The following GALNT2 variants were observed in gnomAD, a reference collection of about 807,000 sequenced individuals.
GALNT2 encodes the protein polypeptide N-acetylgalactosaminyltransferase 2.
In GALNT2, 31 loss-of-function variants were observed where a neutral mutation model predicts 81.4. The observed-to-expected ratio is 0.38, with a 90% confidence interval of 0.29 to 0.51. GALNT2 has a LOEUF of 0.51. GALNT2 is among the 20% of genes least tolerant of loss of function. GALNT2 has a pLI of 0.87. For missense variants in GALNT2, 629 were observed against 765.7 expected, an observed-to-expected ratio of 0.82 and a Z score of 2.11; for synonymous variants, 303 against 287.4, an observed-to-expected ratio of 1.05 and a Z score of -0.55.
At chr1:230,120,113 G>A (rs554854999) in intron 1 of GALNT2, among the ~76,000 whole-genome samples, 16 of 140,478 alleles carry the variant, frequency 1.1e-4, no homozygotes, top group Non-Finnish European at 2.1e-4. Flanking sequence ...ATCTCCAAGC[G>A]TCTGCCACCA....
chr1:230,135,814 T>C (rs907769732), intron 1 of GALNT2, among the ~76,000 whole-genome samples: 2 of 151,908 alleles, frequency 1.3e-5, no homozygotes, highest in Non-Finnish European at 2.9e-5. Context: ...CCCTCCTAAG[T>C]AGCTGGGACT....
chr1:230,224,938 A>G (rs1016080965), intron 3 of GALNT2, among the ~76,000 whole-genome samples: 1 of 152,276 alleles, frequency 6.6e-6, no homozygotes, highest in Non-Finnish European at 1.5e-5. Context: ...ATTTTAGACG[A>G]ATAATTTCGA....
intron 1 of GALNT2, among the ~76,000 whole-genome samples, chr1:230,176,765 A>T (rs955664990): frequency 3.9e-5 from 6 of 152,254 alleles, no homozygotes; most frequent in Admixed American, 3.3e-4. Flanking sequence ...ATATCTTTTC[A>T]AAACTTTTTT....
intron 1 of GALNT2, among the ~76,000 whole-genome samples, chr1:230,087,442 C>CCAT (rs1231931487): frequency 6.6e-6 from 1 of 152,188 alleles, no homozygotes; most frequent in Non-Finnish European, 1.5e-5. Context: ...GTTTTCCTTG[C>CCAT]CATCTGTCTT....
At chr1:230,066,582 T>G (rs1331314594), upstream of GALNT2, among the ~76,000 whole-genome samples, 2 of 152,354 alleles carry the variant, frequency 1.3e-5, no homozygotes, top group East Asian at 3.9e-4. Flanking sequence ...AATGTTTTGC[T>G]GCAAGATTAG....
At position 230,246,287 on chromosome 1, in the gene GALNT2, G is replaced by A. The variant is rs1044778552; in HGVS notation, c.817+137G>A. On this transcript the variant is annotated intron_variant, in intron 8 of 15. Transcript: ENST00000366672. ...TGTGTGTTCTGAGTAAAAACCACCT[G>A]TGTGCTTAACGAGTAGGACTTCATA... is the stretch of plus-strand genomic sequence containing the variant. 9.3e-5 allele frequency: 65 copies of A among 695,582 alleles called. No homozygotes were observed. In the African/African-American group the frequency reaches 1.0e-3, roughly 11 times the overall value. The allele number at this position is 695,582 out of a possible 1,614,324, so 43.1% of individuals were successfully genotyped here.
At chr1:230,130,412 A>C (rs1401864527) in intron 1 of GALNT2, among the ~76,000 whole-genome samples, 1 of 152,154 alleles carries the variant, frequency 6.6e-6, no homozygotes, top group Non-Finnish European at 1.5e-5. Flanking sequence ...ACTGCTGGGC[A>C]CTGGCTGATG....
chr1:230,098,334 A>G (rs1050815743), intron 1 of GALNT2, among the ~76,000 whole-genome samples: 2 of 151,830 alleles, frequency 1.3e-5, no homozygotes, highest in Non-Finnish European at 2.9e-5. Context: ...GTGGGATAGC[A>G]TTCTTTTTAG....
At chr1:230,245,528 G>A (rs187509934) in intron 7 of GALNT2, among the ~76,000 whole-genome samples, 38 of 151,870 alleles carry the variant, frequency 2.5e-4, no homozygotes, top group African/African-American at 8.9e-4. Context: ...CGTAGAATCT[G>A]GAAATCTCTG....
intron 3 of GALNT2, among the ~76,000 whole-genome samples, chr1:230,210,165 C>G (rs1042429453): frequency 1.2e-4 from 19 of 152,168 alleles, no homozygotes; most frequent in Admixed American, 5.2e-4. Context: ...CCTGGAAATG[C>G]ATCTGATAAG....
chr1:230,265,312 A>G lies in GALNT2; in HGVS notation c.1385A>G (p.His462Arg). Residue 462 changes from histidine to arginine, a missense_variant, in exon 14 of 16, where the codon CAC becomes CGC. Coordinates refer to ENST00000366672, the MANE Select transcript of GALNT2 (RefSeq NM_004481.5). ...QGTNCLDTLG[H>R]FADGVVGVYE... is the part of the protein sequence containing the mutation. Reference sequence around the variant, plus strand: ...ACTAACTGCCTCGACACTTTGGGACACTTTGCTGATGGTGTGGTTGGAGTT... The same window carrying G: ...ACTAACTGCCTCGACACTTTGGGACGCTTTGCTGATGGTGTGGTTGGAGTT... The G allele has an allele frequency of 1.9e-6, 3 of 1,614,220 alleles. No homozygotes were observed. Among genetic ancestry groups the G allele is most frequent in the Non-Finnish European group, 2.5e-6 (3 of 1,180,042 alleles).
intron 1 of GALNT2, among the ~76,000 whole-genome samples, chr1:230,071,544 C>T (rs1188075691): frequency 6.6e-6 from 1 of 152,168 alleles, no homozygotes; most frequent in African/African-American, 2.4e-5. Flanking sequence ...GTTAGAAGGG[C>T]AGGTCGCTGT....
At chr1:230,068,651 G>GT (rs1051486000) in intron 1 of GALNT2, among the ~76,000 whole-genome samples, 4 of 152,138 alleles carry the variant, frequency 2.6e-5, no homozygotes, top group South Asian at 2.1e-4. Flanking sequence ...TGCTTCAGAG[G>GT]TTTTTTCTTT....
At chr1:230,269,674 T>G (rs1666120690) in intron 14 of GALNT2, among the ~76,000 whole-genome samples, 1 of 151,346 alleles carries the variant, frequency 6.6e-6, no homozygotes, top group African/African-American at 2.4e-5. Context: ...GCAGGAGGAT[T>G]GCTTGAGGCC....
At chr1:230,256,979 G>A (rs78988790) in intron 11 of GALNT2, among the ~76,000 whole-genome samples, 3,426 of 152,252 alleles carry the variant, frequency 0.023, 56 homozygotes, top group Non-Finnish European at 0.035. Context: ...CTGGGACCCC[G>A]AGGAATCAGA....
rs1666263004 is a variant in GALNT2, at chr1:230,275,196, C to A, written c.1560+632C>A. Among the ~76,000 whole-genome samples the A allele has an allele frequency of 6.6e-6, 1 of 150,994 alleles. No homozygotes were observed. The highest frequency in any genetic ancestry group is 2.1e-4 in the South Asian group (1 of 4,794). ...TGCCACATATATACATATATAAACACCACATATATATACATATGCATGCCA... is the reference window on the plus strand; with the variant it reads ...TGCCACATATATACATATATAAACAACACATATATATACATATGCATGCCA... On this transcript the variant is annotated intron_variant, in intron 15 of 15. Coordinates refer to ENST00000366672, the MANE Select transcript of GALNT2 (RefSeq NM_004481.5). This position sits in a 1 kb window ranked among gnomAD's most constrained non-coding sequence, Gnocchi z 5.5.
intron 1 of GALNT2, among the ~76,000 whole-genome samples, chr1:230,136,865 G>A (rs1022253446): frequency 2.0e-5 from 3 of 152,168 alleles, no homozygotes; most frequent in Non-Finnish European, 4.4e-5. Flanking sequence ...CCCTCAGACC[G>A]AAGAGCCGGC....
At chr1:230,276,755 A>T (rs975293136) in intron 15 of GALNT2, among the ~76,000 whole-genome samples, 45 of 152,166 alleles carry the variant, frequency 3.0e-4, no homozygotes, top group African/African-American at 1.1e-3. Context: ...TGATGACTTG[A>T]TACCAAAATG....
At chr1:230,102,892 TG>T (rs1290399490) in intron 1 of GALNT2, among the ~76,000 whole-genome samples, 2 of 152,074 alleles carry the variant, frequency 1.3e-5, no homozygotes, top group Non-Finnish European at 2.9e-5. Context: ...GGCGGGGCCA[TG>T]GGTGAAGACT....
Sources: allele counts gnomAD v4.1 joint callset (sites outside exome capture counted in the v4.1 genomes callset), GRCh38; gene constraint gnomAD v4.1.1; non-coding constraint Gnocchi (gnomAD v3.1); transcripts MANE v1.5; gene names NCBI Gene and HGNC (gene_info 2026-07-23, HGNC 2026-07-21).